FAM133B: variants seen among roughly 807,000 people sequenced by gnomAD.
The protein encoded by FAM133B is family with sequence similarity 133 member B, also known as protein FAM133B.
A neutral mutation model predicts 46.4 loss-of-function variants in FAM133B; 25 were observed. The ratio of observed to expected loss-of-function variants is 0.54; its 90% confidence interval spans 0.39 to 0.75. The LOEUF is 0.75. Ranked by LOEUF, FAM133B falls within the 30% of genes least tolerant of loss-of-function variation. The pLI, the probability that FAM133B is intolerant of heterozygous loss-of-function variation, is 0.00. For missense variants in FAM133B, 205 were observed against 277.6 expected (o/e 0.74, Z 1.86); for synonymous variants, 75 against 86.0 (o/e 0.87, Z 0.71).
chr7:92,576,970 T>G, intron 7 of FAM133B, 133 bp downstream of exon 7: 2 of 448,752 alleles, frequency 4.5e-6, no homozygotes, highest in Non-Finnish European at 7.8e-6. Context: ...TTATCAAGTA[T>G]ATCAATTAAG....
At chr7:92,584,029 G>A (rs1032504569) in intron 1 of FAM133B, among the ~76,000 whole-genome samples, 4 of 109,132 alleles carry the variant, frequency 3.7e-5, no homozygotes, top group Admixed American at 1.4e-4. Flanking sequence ...CAGCCTGGGC[G>A]AAAGAGCAAG....
At chr7:92,579,167 G>T in intron 3 of FAM133B, 150 bp downstream of exon 3, 1 of 628,850 alleles carries the variant, frequency 1.6e-6, no homozygotes, top group African/African-American at 2.1e-5. Flanking sequence ...ATGGAGACAA[G>T]GGCGGCGGGG....
rs1453272501 is a variant in FAM133B, at chr7:92,577,195, C to G, written c.373G>C (p.Asp125His). The G allele has an allele frequency of 1.4e-6, 2 of 1,469,336 alleles. No homozygotes were observed. Among genetic ancestry groups the G allele is most frequent in the Non-Finnish European group, 1.8e-6 (2 of 1,105,864 alleles). 91.0% of individuals were successfully genotyped at this position (1,469,336 alleles called of 1,614,324 possible). ...TTTCTCCGTTTTCCTTGTTTCTTATCCTACATAAAATATTTTTAGAAACAT... is the reference window on the plus strand; with the variant it reads ...TTTCTCCGTTTTCCTTGTTTCTTATGCTACATAAAATATTTTTAGAAACAT... The part of the protein sequence containing the change: ...SSSSSDSEDE[D>H]KKQGKRRKKK... Residue 125 changes from aspartate to histidine, a missense_variant and splice_region_variant, in exon 7 of 11, where the codon GAT (aspartate) becomes CAT (histidine). By Grantham distance (81) the Asp-to-His change is moderately conservative. Coordinates refer to ENST00000445716, the MANE Select transcript of FAM133B (RefSeq NM_152789.4).
chr7:92,570,747 C>T (rs1398687703), intron 8 of FAM133B, among the ~76,000 whole-genome samples: 4 of 152,106 alleles, frequency 2.6e-5, no homozygotes, highest in African/African-American at 4.8e-5. Flanking sequence ...AGAAAATAAA[C>T]TAACAGTGAT....
chr7:92,590,026 C>G (rs1032720532), intron 1 of FAM133B: 8 of 598,570 alleles, frequency 1.3e-5, no homozygotes, highest in African/African-American at 1.9e-5. Context: ...ACCAGCAGCG[C>G]CAGAAAGAGC....
intron 10 of FAM133B, 38 bp downstream of exon 10, chr7:92,565,976 C>CTAT (rs1562888483): frequency 6.2e-7 from 1 of 1,602,972 alleles, no homozygotes; most frequent in South Asian, 1.1e-5. Flanking sequence ...ACCAAAACAC[C>CTAT]TATTCTATTG....
At chr7:92,568,818 C>T (rs1366961874) in intron 9 of FAM133B, among the ~76,000 whole-genome samples, 4 of 152,080 alleles carry the variant, frequency 2.6e-5, no homozygotes, top group Admixed American at 6.5e-5. Flanking sequence ...TGCACTGCAG[C>T]CTCAAACTCC....
chr7:92,578,737 C>T (rs1794775789), intron 3 of FAM133B, among the ~76,000 whole-genome samples: 1 of 152,144 alleles, frequency 6.6e-6, no homozygotes, highest in Non-Finnish European at 1.5e-5. Flanking sequence ...ATGTTATATA[C>T]ATGTTTGTAA....
rs201582213 is a variant in FAM133B, at chr7:92,578,889, T to TA, written c.201+427dup. 2.2e-3 allele frequency among the ~76,000 whole-genome samples: 331 copies of TA among 149,296 alleles called. 1 individual carries two copies. Among genetic ancestry groups the TA allele is most frequent in the African/African-American group, 7.8e-3 (317 of 40,770 alleles). ...AGTGAGAACCTGTCTCTACTAAAGA[T>TA]AAAAAAAAAATTAGCTGGGCATAGT... On this transcript the variant is annotated intron_variant, in intron 3 of 10. Transcript: ENST00000445716.
intron 1 of FAM133B, among the ~76,000 whole-genome samples, chr7:92,582,915 AAC>A (rs1456795019): frequency 6.6e-6 from 1 of 152,170 alleles, no homozygotes; most frequent in Non-Finnish European, 1.5e-5. Flanking sequence ...CACTGTGGAA[AAC>A]AGTTTAGTGG....
chr7:92,575,836 A>G lies in FAM133B; in HGVS notation c.466-15T>C, dbSNP rs775172144. On this transcript the variant is annotated splice_polypyrimidine_tract_variant and intron_variant, in intron 7 of 10. Coordinates refer to ENST00000445716, the MANE Select transcript of FAM133B (RefSeq NM_152789.4). Reference sequence around the variant, plus strand: ...TTTAAACTATCCTAAACAAAGAAATATATGTATCAATTTTAAATGCCAAGG... The same window carrying G: ...TTTAAACTATCCTAAACAAAGAAATGTATGTATCAATTTTAAATGCCAAGG... 17 of 1,168,744 alleles carry G rather than the reference A, an allele frequency of 1.5e-5. No homozygotes were observed. In the East Asian group the frequency reaches 2.7e-4, roughly 18 times the overall value. 72.4% of individuals were successfully genotyped at this position (1,168,744 alleles called of 1,614,324 possible). A position where few individuals can be genotyped will look rare whatever the true frequency, so the allele number is the denominator to read the frequency against.
Position 92,590,254 on chromosome 7 carries a change from G to A in FAM133B, c.24+14C>T. 2 of 1,613,630 alleles carry A rather than the reference G, an allele frequency of 1.2e-6. No individual in the cohort carries two copies. The highest frequency in any genetic ancestry group is 1.1e-5 in the South Asian group (1 of 91,076). The stretch of plus-strand genomic sequence containing the variant: ...CCCTGCGTCGCCCCACTGTTTTCCC[G>A]GCTGAGTACTCACCACCCGATTGTC... On this transcript the variant is annotated intron_variant, in intron 1 of 10. Transcript: ENST00000445716.
intron 1 of FAM133B, 92 bp from the exon 2 acceptor site, chr7:92,581,695 T>C (rs1794876787): frequency 1.1e-6 from 1 of 933,252 alleles, no homozygotes; most frequent in Non-Finnish European, 1.7e-6. Context: ...TATAAATGCA[T>C]AATATATCCA....
chr7:92,575,751 C>T lies in FAM133B; in HGVS notation c.516+20G>A, dbSNP rs1028409860. ...TATTATATGACAGACTATCTTAAGG[C>T]AATGTAAAAGTATAGTTACCTTTTC... On this transcript the variant is annotated intron_variant, in intron 8 of 10. Transcript: ENST00000445716. The T allele has an allele frequency of 2.3e-6, 3 of 1,303,382 alleles. No individual in the cohort carries two copies. The highest frequency in any genetic ancestry group is 3.3e-6 in the Non-Finnish European group (3 of 912,210). 80.7% of individuals were successfully genotyped at this position (1,303,382 alleles called of 1,614,324 possible).
chr7:92,568,007 A>T (rs1332833828), intron 9 of FAM133B, among the ~76,000 whole-genome samples: 1 of 152,168 alleles, frequency 6.6e-6, no homozygotes, highest in Non-Finnish European at 1.5e-5. Context: ...CAGGTGATCC[A>T]TCTGCCTTGG....
intron 5 of FAM133B, 47 bp downstream of exon 5, chr7:92,578,103 T>A: frequency 6.6e-7 from 1 of 1,512,392 alleles, no homozygotes. Flanking sequence ...ACTTTTTTTG[T>A]TGGCTCTTAA....
chr7:92,590,159 G>T (rs1170255378), intron 1 of FAM133B, 109 bp downstream of exon 1: 4 of 1,564,892 alleles, frequency 2.6e-6, no homozygotes, highest in South Asian at 1.1e-5. Context: ...CAGGCCCCAC[G>T]TCTGAGGGCT....
chr7:92,582,443 CATAA>C (rs902081259), intron 1 of FAM133B, among the ~76,000 whole-genome samples: 1 of 152,046 alleles, frequency 6.6e-6, no homozygotes, highest in Non-Finnish European at 1.5e-5. Context: ...CAATTTTATT[CATAA>C]ATAGTTAACA....
In FAM133B at chr7:92,562,233, C is replaced by T; in HGVS notation, c.*49G>A. On this transcript the variant is annotated 3_prime_UTR_variant, in exon 11 of 11. Transcript: ENST00000445716. ...GTTGTAGTTTTCACAGTTGAAATTT[C>T]CTCAGACATTGCACTTTCTTTATAA... 1 of 1,488,658 alleles carries T rather than the reference C, an allele frequency of 6.7e-7. No individual in the cohort carries two copies. The highest frequency in any genetic ancestry group is 8.9e-7 in the Non-Finnish European group (1 of 1,127,530). The allele number at this position is 1,488,658 out of a possible 1,614,324, so 92.2% of individuals were successfully genotyped here. A position where few individuals can be genotyped will look rare whatever the true frequency, so the allele number is the denominator to read the frequency against.
Sources: gnomAD v4.1 joint callset for allele counts (sites outside exome capture counted in the v4.1 genomes callset) on GRCh38, gnomAD v4.1.1 for gene constraint, MANE v1.5 for transcripts, NCBI Gene and HGNC (gene_info 2026-07-23, HGNC 2026-07-21) for gene names.